The following STX3 variants were observed in gnomAD, a reference collection of about 807,000 sequenced individuals.
STX3 encodes syntaxin 3.
In STX3, 19 loss-of-function variants were observed where a neutral mutation model predicts 40.2. The ratio of observed to expected loss-of-function variants is 0.47; its 90% CI spans 0.33 to 0.69. The LOEUF is 0.69. STX3 is among the 30% of genes least tolerant of loss of function. STX3 has a pLI of 0.02. For missense variants in STX3, 364 were observed against 366.7 expected (o/e 0.99, Z 0.06); for synonymous variants, 122 against 132.2 (o/e 0.92, Z 0.53).
intron 1 of STX3, among the ~76,000 whole-genome samples, chr11:59,756,421 G>GACTCA (rs1862721747): frequency 1.3e-5 from 2 of 152,192 alleles, no homozygotes; most frequent in Non-Finnish European, 2.9e-5. Flanking sequence ...GACTCATTCA[G>GACTCA]TACATAATTA....
Position 59,787,712 on chromosome 11 carries a change from C to T in STX3, c.214+576C>T, listed in dbSNP as rs537096355. Among the ~76,000 whole-genome samples the T allele has an allele frequency of 2.0e-5, 3 of 152,320 alleles. No individual in the cohort carries two copies. In the East Asian group the frequency reaches 5.8e-4, roughly 29 times the overall value. ...ATTGTCTTGGGCCATACATAAAATA[C>T]ACTAACACTAACGATAGCTGAAGCG... On this transcript the variant is annotated intron_variant, in intron 3 of 10. Transcript: ENST00000337979.
chr11:59,766,907 C>T (rs1296485666), intron 1 of STX3, among the ~76,000 whole-genome samples: 1 of 152,204 alleles, frequency 6.6e-6, no homozygotes, highest in Non-Finnish European at 1.5e-5. Context: ...ATGGTGTACA[C>T]AAAGCAGCTA....
intron 9 of STX3, among the ~76,000 whole-genome samples, chr11:59,795,916 T>G (rs950228400): frequency 2.0e-5 from 3 of 152,032 alleles, no homozygotes; most frequent in African/African-American, 7.2e-5. Context: ...ACAAGCTATC[T>G]CCCCAAAAAC....
chr11:59,789,601 C>T (rs1279270660), intron 4 of STX3, among the ~76,000 whole-genome samples: 2 of 152,120 alleles, frequency 1.3e-5, no homozygotes, highest in Non-Finnish European at 2.9e-5. Flanking sequence ...CCACCACGCT[C>T]AGTCAATTTT....
At position 59,797,323 on chromosome 11, in the gene STX3, G is replaced by T. The variant is rs1160462998; in HGVS notation, c.827G>T (p.Gly276Val). The change falls in exon 10 of 11, where the codon GGC becomes GTC. Residue 276 changes from glycine to valine, a missense_variant. Physicochemically the swap from Gly to Val is moderately radical, Grantham distance 109. Coordinates refer to ENST00000337979, the MANE Select transcript of STX3 (RefSeq NM_004177.5). ...IIIVLVVVLL[G>V]ILALIIGLSV... Reference sequence around the variant, plus strand: ...ATTGTGCTAGTAGTTGTGTTGCTGGGCATTTTAGCATTGATTATTGGACTT... The same window carrying T: ...ATTGTGCTAGTAGTTGTGTTGCTGGTCATTTTAGCATTGATTATTGGACTT... 6.2e-7 allele frequency: 1 copy of T among 1,614,092 alleles called. No homozygotes were observed. The highest frequency in any genetic ancestry group is 1.3e-5 in the African/African-American group (1 of 75,006).
At chr11:59,776,658 A>T (rs1331424600) in intron 2 of STX3, among the ~76,000 whole-genome samples, 1 of 152,234 alleles carries the variant, frequency 6.6e-6, no homozygotes, top group Non-Finnish European at 1.5e-5. Context: ...TGCTGAGAGC[A>T]TGAATCACAG....
intron 2 of STX3, among the ~76,000 whole-genome samples, chr11:59,773,977 C>CAAAAA (rs5792160): frequency 7.0e-4 from 57 of 81,162 alleles, no homozygotes; most frequent in East Asian, 1.2e-3. Flanking sequence ...CTCACACACA[C>CAAAAA]AAAAAAAAAA....
rs781244608 is a variant in STX3 at position 59,788,894 on chromosome 11, A to G, written c.236A>G (p.Gln79Arg). 2 of 1,612,706 alleles carry G rather than the reference A, an allele frequency of 1.2e-6. No homozygotes were observed. Among genetic ancestry groups the G allele is most frequent in the Non-Finnish European group, 8.5e-7 (1 of 1,179,378 alleles). The change falls in exon 4 of 11, where the codon CAG (glutamine) becomes CGG (arginine). Residue 79 changes from glutamine to arginine, a missense_variant. By Grantham distance (43) the Gln-to-Arg change is conservative. Transcript: ENST00000337979. ...PEPKTKDDLE[Q>R]LTTEIKKRAN... The stretch of plus-strand genomic sequence containing the variant: ...CCAGAAACCAAGGATGACCTAGAGC[A>G]GCTCACGACTGAGATTAAGAAAAGG...
Position 59,803,128 on chromosome 11 carries a change from T to A in STX3, c.*2304T>A. 1 of 1,230,274 alleles carries A rather than the reference T, an allele frequency of 8.1e-7. No homozygotes were observed. The highest frequency in any genetic ancestry group is 1.0e-6 in the Non-Finnish European group (1 of 987,226). The allele number at this position is 1,230,274 out of a possible 1,614,324, so 76.2% of individuals were successfully genotyped here. A position where few individuals can be genotyped will look rare whatever the true frequency, so the allele number is the denominator to read the frequency against. On this transcript the variant is annotated 3_prime_UTR_variant, in exon 11 of 11. Coordinates refer to ENST00000337979, the MANE Select transcript of STX3 (RefSeq NM_004177.5). The stretch of plus-strand genomic sequence containing the variant: ...TGTTGCTCTCTTCCTTCACACCCTC[T>A]TCCATGTCCACATGCACTTATCTCC...
chr11:59,781,812 C>CT, intron 2 of STX3: 1 of 1,235,314 alleles, frequency 8.1e-7, no homozygotes, highest in South Asian at 1.3e-5. Context: ...CTGAGCAGCT[C>CT]TAATATGAAG....
intron 1 of STX3, among the ~76,000 whole-genome samples, chr11:59,759,435 G>A (rs1862915653): frequency 6.6e-6 from 1 of 152,164 alleles, no homozygotes; most frequent in Non-Finnish European, 1.5e-5. Context: ...TCAAGTTTAG[G>A]CAGGATTGAC....
intron 1 of STX3, among the ~76,000 whole-genome samples, chr11:59,770,849 T>G (rs921058235): frequency 1.3e-5 from 2 of 152,152 alleles, no homozygotes; most frequent in Non-Finnish European, 2.9e-5. Flanking sequence ...AGGAGGATAC[T>G]GTTCAACTCA....
At chr11:59,792,865 T>C (rs550076993) in intron 6 of STX3, among the ~76,000 whole-genome samples, 1 of 152,124 alleles carries the variant, frequency 6.6e-6, no homozygotes, top group East Asian at 1.9e-4. Context: ...GGCAAGGAAA[T>C]GTTCTGAGCT....
chr11:59,787,197 C>T, intron 3 of STX3, 61 bp downstream of exon 3: 1 of 1,500,568 alleles, frequency 6.7e-7, no homozygotes, highest in South Asian at 1.1e-5. Flanking sequence ...GCTGAGCCAG[C>T]CTTGTTTTCT....
chr11:59,793,866 C>T (rs536923077), intron 8 of STX3, among the ~76,000 whole-genome samples: 2 of 150,230 alleles, frequency 1.3e-5, no homozygotes, highest in East Asian at 2.0e-4. Flanking sequence ...AGTGCAGTGG[C>T]GTGATCACAG....
intron 2 of STX3, chr11:59,781,632 A>G: frequency 6.8e-6 from 11 of 1,613,450 alleles, no homozygotes; most frequent in South Asian, 1.1e-5. Flanking sequence ...TCGCAAAGCT[A>G]TTCCCACTCC....
At chr11:59,780,192 A>C (rs1864269807) in intron 2 of STX3, among the ~76,000 whole-genome samples, 1 of 152,196 alleles carries the variant, frequency 6.6e-6, no homozygotes, top group Non-Finnish European at 1.5e-5. Flanking sequence ...GTGTCCCCTC[A>C]AAATTCATAT....
intron 2 of STX3, among the ~76,000 whole-genome samples, chr11:59,783,389 G>A (rs1864544080): frequency 6.6e-6 from 1 of 152,160 alleles, no homozygotes; most frequent in Non-Finnish European, 1.5e-5. Flanking sequence ...ATAACCTGGA[G>A]TAAATTTCTC....
chr11:59,799,625 A>C, intron 10 of STX3: 360 of 979,438 alleles, frequency 3.7e-4, no homozygotes, highest in Middle Eastern at 1.1e-3. Flanking sequence ...CTTGGCACAT[A>C]ATACCATGCC....
Sources: gnomAD v4.1 joint callset for allele counts (sites outside exome capture counted in the v4.1 genomes callset) on GRCh38, gnomAD v4.1.1 for gene constraint, MANE v1.5 for transcripts, NCBI Gene and HGNC (gene_info 2026-07-23, HGNC 2026-07-21) for gene names.